Variants in GLCE observed in about 807,000 individuals in gnomAD.
The protein encoded by GLCE is D-glucuronyl C5-epimerase.
Under a neutral mutation model 47.9 loss-of-function variants are expected in GLCE, and 19 were observed. The ratio of observed to expected loss-of-function variants is 0.40; its 90% CI spans 0.28 to 0.58. GLCE has a LOEUF of 0.58. Among genes scored for constraint, GLCE ranks in the 20% least tolerant of loss-of-function variants. The pLI, the probability that GLCE is intolerant of heterozygous loss-of-function variation, is 0.48. For missense variants in GLCE, 556 were observed against 743.3 expected (o/e 0.75, Z 2.93); for synonymous variants, 245 against 263.4 (o/e 0.93, Z 0.68).
chr15:69,267,224 T>G (rs1016587758), intron 4 of GLCE, among the ~76,000 whole-genome samples: 2 of 152,252 alleles, frequency 1.3e-5, no homozygotes, highest in Non-Finnish European at 2.9e-5. Flanking sequence ...TTTAACTTTT[T>G]GACCTCTGAA....
chr15:69,227,215 C>CTAAGATTA (rs940129689), intron 2 of GLCE, among the ~76,000 whole-genome samples: 8 of 152,088 alleles, frequency 5.3e-5, no homozygotes, highest in South Asian at 4.1e-4. Flanking sequence ...TGCTAAGTCT[C>CTAAGATTA]TAAGATTATG....
rs182550508 is a variant in GLCE at position 69,221,590 on chromosome 15, C to T, written c.-14+11184C>T. ...TAATTAAAAAAAATTAGGCTGGGCA[C>T]GGTGGCTCATGCCTATAATCCCAGC... is the stretch of plus-strand genomic sequence containing the variant. On this transcript the variant is annotated intron_variant, in intron 2 of 4. Coordinates refer to ENST00000261858, the MANE Select transcript of GLCE (RefSeq NM_015554.3). 1.6e-3 allele frequency among the ~76,000 whole-genome samples: 249 copies of T among 151,892 alleles called. 1 individual carries two copies. Among genetic ancestry groups the T allele is most frequent in the African/African-American group, 5.7e-3 (237 of 41,436 alleles).
chr15:69,261,228 A>G lies in GLCE; in HGVS notation c.728A>G (p.Asp243Gly). 6.2e-7 allele frequency: 1 copy of G among 1,614,152 alleles called. No homozygotes were observed. The highest frequency in any genetic ancestry group is 1.6e-4 in the Middle Eastern group (1 of 6,062). Residue 243 changes from aspartate to glycine, a missense_variant, in exon 4 of 5, where the codon GAC (aspartate) becomes GGC (glycine). By Grantham distance (94) the Asp-to-Gly change is moderately conservative. Transcript: ENST00000261858. ...GTATATGAAACAGCAGAAGACAGAG[A>G]CAAAAACAAGCCTAATGACTGGACT... ...IEVYETAEDR[D>G]KNKPNDWTVP...
intron 1 of GLCE, among the ~76,000 whole-genome samples, chr15:69,201,698 A>C (rs147990631): frequency 1.3e-5 from 2 of 150,448 alleles, no homozygotes; most frequent in Admixed American, 1.3e-4. Context: ...AACCTCATTT[A>C]TCTCTCTTTT....
chr15:69,176,663 G>A (rs772315797), intron 1 of GLCE, among the ~76,000 whole-genome samples: 2 of 152,146 alleles, frequency 1.3e-5, no homozygotes, highest in African/African-American at 4.8e-5. Flanking sequence ...GACATTCAGG[G>A]TAGGCTCTTA....
intron 1 of GLCE, among the ~76,000 whole-genome samples, chr15:69,205,533 CAT>C (rs2052138098): frequency 6.6e-6 from 1 of 151,998 alleles, no homozygotes; most frequent in African/African-American, 2.4e-5. Context: ...ATTGGTGGGT[CAT>C]ATGGTAAATA....
intron 1 of GLCE, among the ~76,000 whole-genome samples, chr15:69,191,788 T>A (rs1272419067): frequency 1.3e-5 from 2 of 152,192 alleles, no homozygotes; most frequent in Non-Finnish European, 2.9e-5. Context: ...AGCCAAGGCC[T>A]AACCTTACAA....
intron 1 of GLCE, among the ~76,000 whole-genome samples, chr15:69,168,616 T>G (rs1221786528): frequency 6.6e-6 from 1 of 151,604 alleles, no homozygotes; most frequent in East Asian, 1.9e-4. Context: ...CACCGCAACC[T>G]CTGCCTCCCA....
intron 2 of GLCE, among the ~76,000 whole-genome samples, chr15:69,254,403 G>T (rs2052892256): frequency 1.3e-5 from 2 of 152,158 alleles, no homozygotes; most frequent in African/African-American, 4.8e-5. Context: ...GGAATGACAT[G>T]ATCTGACTTA....
At chr15:69,181,101 G>A (rs965221277) in intron 1 of GLCE, among the ~76,000 whole-genome samples, 2 of 152,128 alleles carry the variant, frequency 1.3e-5, no homozygotes, top group African/African-American at 4.8e-5. Context: ...CAAAGTTTGT[G>A]GTCTGAGCAC....
intron 2 of GLCE, among the ~76,000 whole-genome samples, chr15:69,217,466 GA>G (rs1566958937): frequency 2.0e-5 from 3 of 151,708 alleles, no homozygotes; most frequent in Admixed American, 1.3e-4. Context: ...AAAAAAAGAA[GA>G]AAGAATGTGG....
At chr15:69,229,070 T>A (rs776481681) in intron 2 of GLCE, among the ~76,000 whole-genome samples, 1 of 152,164 alleles carries the variant, frequency 6.6e-6, no homozygotes, top group East Asian at 1.9e-4. Flanking sequence ...ATGCAAATGC[T>A]AATCAAAGGA....
intron 2 of GLCE, among the ~76,000 whole-genome samples, chr15:69,228,102 C>G (rs1033995824): frequency 6.6e-6 from 1 of 152,186 alleles, no homozygotes; most frequent in Non-Finnish European, 1.5e-5. Context: ...TGTTCTTTCT[C>G]TACTGAAGTA....
intron 1 of GLCE, among the ~76,000 whole-genome samples, chr15:69,204,408 G>A (rs1270725636): frequency 6.7e-6 from 1 of 149,156 alleles, no homozygotes; most frequent in Non-Finnish European, 1.5e-5. Flanking sequence ...TCAGCCTCCC[G>A]AGTAGCTGGG....
rs1228250371 is a variant in GLCE at position 69,268,746 on chromosome 15, T to C, written c.1356T>C (p.Ser452=). Residue 452 remains serine (S), a synonymous_variant, in exon 5 of 5, where the codon TCT becomes TCC. Transcript: ENST00000261858. ...CCATGGCCCAAGGGCAAGCCATTTC[T>C]ACATTAGTCAGGGCCTATCTGTTAA... ...YSAMAQGQAI[S]TLVRAYLLTK... 2 of 1,614,238 alleles carry C rather than the reference T, an allele frequency of 1.2e-6. No homozygotes were observed. The highest frequency in any genetic ancestry group is 3.3e-5 in the Admixed American group (2 of 60,038).
At chr15:69,229,543 AT>A (rs1251521164) in intron 2 of GLCE, among the ~76,000 whole-genome samples, 1 of 152,182 alleles carries the variant, frequency 6.6e-6, no homozygotes, top group African/African-American at 2.4e-5. Flanking sequence ...TTTTTCTCTC[AT>A]TTAAGAAACT....
At chr15:69,246,032 C>T (rs1319305648) in intron 2 of GLCE, among the ~76,000 whole-genome samples, 2 of 152,062 alleles carry the variant, frequency 1.3e-5, no homozygotes, top group African/African-American at 2.4e-5. Flanking sequence ...CCCGGCCAGT[C>T]GTTTCAACAA....
intron 1 of GLCE, among the ~76,000 whole-genome samples, chr15:69,174,200 CAA>C (rs1224048183): frequency 6.6e-6 from 1 of 152,140 alleles, no homozygotes; most frequent in African/African-American, 2.4e-5. Flanking sequence ...CCGAAGGAAA[CAA>C]GATTTTAGTC....
chr15:69,225,089 A>G (rs2052427607), intron 2 of GLCE, among the ~76,000 whole-genome samples: 1 of 152,218 alleles, frequency 6.6e-6, no homozygotes, highest in Non-Finnish European at 1.5e-5. Context: ...GGTGCTACAT[A>G]TACCCATAGT....
Sources: allele counts gnomAD v4.1 joint callset (sites outside exome capture counted in the v4.1 genomes callset), GRCh38; gene constraint gnomAD v4.1.1; transcripts MANE v1.5; gene names NCBI Gene and HGNC (gene_info 2026-07-23, HGNC 2026-07-21).